The following GRID2 variants were observed in gnomAD, a reference collection of about 807,000 sequenced individuals.
GRID2 encodes glutamate receptor ionotropic, delta-2.
In GRID2, 33 loss-of-function variants were observed where a neutral mutation model predicts 114.8. That is an observed-to-expected ratio of 0.29 (90% confidence interval 0.22 to 0.38). The LOEUF (loss-of-function observed/expected upper bound fraction) is 0.38, where lower values mean the gene tolerates loss of function less well. Among genes scored for constraint, GRID2 ranks in the 10% least tolerant of loss-of-function variants. The pLI is 1.00. For missense variants in GRID2, 1,184 were observed against 1,257.7 expected (o/e 0.94, Z 0.89); for synonymous variants, 505 against 449.9 (o/e 1.12, Z -1.55).
rs1429853765 is a variant in GRID2 at position 93,612,643 on chromosome 4, A to C, written c.2194-13626A>C. Among the ~76,000 whole-genome samples, 4 of 93,842 alleles carry C rather than the reference A, an allele frequency of 4.3e-5. No homozygotes were observed. The East Asian group carries it at 1.0e-3, about 23-fold the overall frequency. 61.6% of individuals were successfully genotyped at this position (93,842 alleles called of 152,430 possible). ...TTAAGAATGTTGAATATTGGCCCCC[A>C]CTCTCTTCTGGCTTGTAGGGTTTCT... On this transcript the variant is annotated intron_variant, in intron 13 of 15. Coordinates refer to ENST00000282020, the MANE Select transcript of GRID2 (RefSeq NM_001510.4).
intron 2 of GRID2, among the ~76,000 whole-genome samples, chr4:92,700,562 T>C (rs1280030757): frequency 6.6e-6 from 1 of 152,190 alleles, no homozygotes; most frequent in Non-Finnish European, 1.5e-5. Flanking sequence ...GTTCACTTAT[T>C]CATTAATTTA....
intron 10 of GRID2, among the ~76,000 whole-genome samples, chr4:93,433,051 C>G (rs766625712): frequency 6.6e-6 from 1 of 152,152 alleles, no homozygotes; most frequent in African/African-American, 2.4e-5. Context: ...GCCTGGATGA[C>G]AGAGTGAGAT....
chr4:93,018,430 G>C (rs1722976439), intron 2 of GRID2, among the ~76,000 whole-genome samples: 1 of 152,128 alleles, frequency 6.6e-6, no homozygotes, highest in South Asian at 2.1e-4. Flanking sequence ...TGCTTGGTGA[G>C]AGATGTTGGC....
chr4:93,515,187 T>G (rs1253425726), intron 12 of GRID2, 29 bp from the exon 13 acceptor site: 1 of 1,158,980 alleles, frequency 8.6e-7, no homozygotes, highest in Non-Finnish European at 1.2e-6. Flanking sequence ...ATGTGTCTCT[T>G]GTGTCTCTCT....
At chr4:93,212,479 C>G (rs970331865) in intron 5 of GRID2, among the ~76,000 whole-genome samples, 1 of 152,114 alleles carries the variant, frequency 6.6e-6, no homozygotes, top group East Asian at 1.9e-4. Context: ...CTCAGAGCAG[C>G]CTTTCCGTGC....
downstream of GRID2, among the ~76,000 whole-genome samples, chr4:93,775,113 T>A (rs1372050092): frequency 6.7e-6 from 1 of 148,500 alleles, no homozygotes; most frequent in African/African-American, 2.5e-5. Context: ...GGGATATATA[T>A]CTGAAAATGT....
intron 8 of GRID2, among the ~76,000 whole-genome samples, chr4:93,360,694 A>G (rs553747963): frequency 3.3e-5 from 5 of 152,020 alleles, no homozygotes; most frequent in South Asian, 2.1e-4. Flanking sequence ...TGTTTCATCA[A>G]TATTTAAGAG....
At chr4:92,951,954 A>G (rs1379433840) in intron 2 of GRID2, among the ~76,000 whole-genome samples, 1 of 152,092 alleles carries the variant, frequency 6.6e-6, no homozygotes, top group African/African-American at 2.4e-5. Flanking sequence ...CCTAAGTCTT[A>G]TTGATTGATA....
intron 1 of GRID2, among the ~76,000 whole-genome samples, chr4:92,578,113 C>CTT (rs1296565046): frequency 1.1e-5 from 1 of 92,454 alleles, no homozygotes; most frequent in South Asian, 3.9e-4. Flanking sequence ...TCTTCTTCTT[C>CTT]TTTTTCTTAT....
At chr4:93,054,795 TGTA>T (rs1235932350) in intron 2 of GRID2, among the ~76,000 whole-genome samples, 3 of 151,648 alleles carry the variant, frequency 2.0e-5, no homozygotes, top group Middle Eastern at 3.4e-3. Flanking sequence ...GGAAGAGAAA[TGTA>T]GTAAGGAATC....
At chr4:93,411,431 A>ATT (rs34629800) in intron 9 of GRID2, among the ~76,000 whole-genome samples, 47 of 146,820 alleles carry the variant, frequency 3.2e-4, no homozygotes, top group African/African-American at 6.0e-4. Flanking sequence ...AATTGAATAG[A>ATT]TTTTTTTTTT....
At chr4:93,447,025 A>G (rs1463180186) in intron 10 of GRID2, among the ~76,000 whole-genome samples, 2 of 151,934 alleles carry the variant, frequency 1.3e-5, no homozygotes, top group Non-Finnish European at 2.9e-5. Flanking sequence ...CCAGATTAAA[A>G]CACAATAAAA....
intron 13 of GRID2, among the ~76,000 whole-genome samples, chr4:93,612,247 G>A (rs1281375823): frequency 6.7e-6 from 1 of 148,458 alleles, no homozygotes; most frequent in Non-Finnish European, 1.5e-5. Context: ...CACACTGATG[G>A]GTCTTGACTC....
chr4:92,743,950 G>T (rs112314341), intron 2 of GRID2, among the ~76,000 whole-genome samples: 1 of 152,094 alleles, frequency 6.6e-6, no homozygotes, highest in Non-Finnish European at 1.5e-5. Context: ...CTATTTGACC[G>T]CTTGATATGA....
chr4:93,524,819 G>GTATATATATATATATATATATA (rs1307000620), intron 13 of GRID2, among the ~76,000 whole-genome samples: 9 of 52,196 alleles, frequency 1.7e-4, no homozygotes, highest in African/African-American at 5.8e-4. Flanking sequence ...ATATATGTAT[G>GTATATATATATATATATATATA]TATGTATATA....
chr4:93,243,472 G>A (rs939826594), intron 8 of GRID2, among the ~76,000 whole-genome samples: 6 of 151,932 alleles, frequency 3.9e-5, no homozygotes, highest in African/African-American at 1.2e-4. Context: ...TTCAGTTGAC[G>A]GACTGTCAAG....
At chr4:93,339,386 A>G (rs1759414020) in intron 8 of GRID2, among the ~76,000 whole-genome samples, 1 of 152,174 alleles carries the variant, frequency 6.6e-6, no homozygotes, top group South Asian at 2.1e-4. Flanking sequence ...ACAGAGACAC[A>G]CAGGGAGGAT....
intron 1 of GRID2, among the ~76,000 whole-genome samples, chr4:92,579,782 T>G (rs1265441122): frequency 4.6e-5 from 7 of 151,464 alleles, no homozygotes; most frequent in Non-Finnish European, 7.4e-5. Context: ...TTGACCATTT[T>G]GTAAGGTTTA....
chr4:92,651,027 C>T (rs1731901107), intron 2 of GRID2, among the ~76,000 whole-genome samples: 1 of 152,016 alleles, frequency 6.6e-6, no homozygotes, highest in Non-Finnish European at 1.5e-5. Context: ...TAGCCCATGA[C>T]TGCATTTATT....
Sources: allele counts gnomAD v4.1 joint callset (sites outside exome capture counted in the v4.1 genomes callset), GRCh38; gene constraint gnomAD v4.1.1; transcripts MANE v1.5; gene names NCBI Gene and HGNC (gene_info 2026-07-23, HGNC 2026-07-21).